Variants in CLSTN2 observed in about 807,000 individuals in gnomAD.
The protein encoded by CLSTN2 is calsyntenin-2.
Under a neutral mutation model 101.2 loss-of-function variants are expected in CLSTN2, and 48 were observed. That is an observed-to-expected ratio of 0.47 (90% CI 0.38 to 0.60). The LOEUF (loss-of-function observed/expected upper bound fraction) is 0.60. Among genes scored for constraint, CLSTN2 ranks in the 20% least tolerant of loss-of-function variants. The pLI, the probability that CLSTN2 is intolerant of heterozygous loss-of-function variation, is 0.00. For missense variants in CLSTN2, 1,160 were observed against 1,238.2 expected (o/e 0.94, Z 0.95); for synonymous variants, 481 against 463.6 (o/e 1.04, Z -0.48).
At position 140,334,578 on chromosome 3, in the gene CLSTN2, A is replaced by C. The variant is rs188261978; in HGVS notation, c.233-69051A>C. 1.7e-3 allele frequency among the ~76,000 whole-genome samples: 262 copies of C among 152,344 alleles called. 1 individual carries two copies. The highest frequency in any genetic ancestry group is 5.8e-3 in the African/African-American group (242 of 41,594). ...CCCCACCTTACAGCACCTTATGAGG[A>C]GCCACATGAGGAGGCCCATCAACAA... On this transcript the variant is annotated intron_variant, in intron 2 of 16. Coordinates refer to ENST00000458420, the MANE Select transcript of CLSTN2 (RefSeq NM_022131.3).
intron 2 of CLSTN2, among the ~76,000 whole-genome samples, chr3:140,281,662 G>A (rs944537955): frequency 2.0e-5 from 3 of 152,144 alleles, no homozygotes; most frequent in African/African-American, 7.2e-5. Flanking sequence ...TCAACCCACA[G>A]CTGATTAGAA....
intron 8 of CLSTN2, among the ~76,000 whole-genome samples, chr3:140,501,833 T>TAAG (rs1330948102): frequency 6.6e-6 from 1 of 152,222 alleles, no homozygotes; most frequent in East Asian, 1.9e-4. Flanking sequence ...GAGAACTTGT[T>TAAG]AAGATTCAGA....
intron 1 of CLSTN2, among the ~76,000 whole-genome samples, chr3:140,160,622 A>AT (rs60958109): frequency 0.014 from 1,999 of 147,770 alleles, 42 homozygotes; most frequent in African/African-American, 0.045. Context: ...TATTCATCCT[A>AT]TTTTTTTTTT....
intron 10 of CLSTN2, among the ~76,000 whole-genome samples, chr3:140,550,655 A>G (rs1025575939): frequency 8.5e-5 from 13 of 152,058 alleles, no homozygotes; most frequent in African/African-American, 3.1e-4. Flanking sequence ...AAACACAAAG[A>G]TGCTGGGCTC....
intron 1 of CLSTN2, among the ~76,000 whole-genome samples, chr3:139,962,882 T>C (rs965805354): frequency 6.6e-6 from 1 of 152,200 alleles, no homozygotes; most frequent in East Asian, 1.9e-4. Context: ...TGTGAACATA[T>C]GCTTTAATTT....
At chr3:140,318,944 T>C (rs1178024426) in intron 2 of CLSTN2, among the ~76,000 whole-genome samples, 2 of 152,170 alleles carry the variant, frequency 1.3e-5, no homozygotes, top group Non-Finnish European at 2.9e-5. Context: ...TTCCCTTCAA[T>C]GAAGGTGAAT....
At chr3:140,012,286 G>A (rs1351132484) in intron 1 of CLSTN2, among the ~76,000 whole-genome samples, 2 of 152,148 alleles carry the variant, frequency 1.3e-5, no homozygotes, top group African/African-American at 4.8e-5. Context: ...GAAAGAAAGG[G>A]GAGGGAGCAG....
chr3:140,444,301 G>A (rs1054955536), intron 5 of CLSTN2, among the ~76,000 whole-genome samples: 3 of 152,066 alleles, frequency 2.0e-5, no homozygotes, highest in African/African-American at 7.2e-5. Flanking sequence ...GTGGTGGCAG[G>A]TGCCTGTAGT....
At chr3:140,093,086 CAG>C (rs1172811578) in intron 1 of CLSTN2, among the ~76,000 whole-genome samples, 1 of 152,006 alleles carries the variant, frequency 6.6e-6, no homozygotes, top group Non-Finnish European at 1.5e-5. Flanking sequence ...CAGAGCTGGA[CAG>C]AGAGAGAGAA....
At chr3:139,970,737 C>T (rs190710543) in intron 1 of CLSTN2, among the ~76,000 whole-genome samples, 12 of 152,288 alleles carry the variant, frequency 7.9e-5, no homozygotes, top group Non-Finnish European at 1.5e-4. Flanking sequence ...ATGGAGCTGA[C>T]CAGGTGCTGA....
At chr3:140,160,589 C>T (rs1190858796) in intron 1 of CLSTN2, among the ~76,000 whole-genome samples, 4 of 151,930 alleles carry the variant, frequency 2.6e-5, no homozygotes, top group Admixed American at 6.6e-5. Context: ...TACTGTCTGC[C>T]GATTTCTTTT....
intron 1 of CLSTN2, among the ~76,000 whole-genome samples, chr3:140,142,331 G>A (rs2009714293): frequency 2.0e-5 from 3 of 152,158 alleles, no homozygotes; most frequent in Admixed American, 2.0e-4. Flanking sequence ...GTGCAGAAAG[G>A]CCACTCATAG....
At chr3:140,197,576 G>T (rs1056200038) in intron 2 of CLSTN2, among the ~76,000 whole-genome samples, 1 of 152,100 alleles carries the variant, frequency 6.6e-6, no homozygotes, top group Non-Finnish European at 1.5e-5. Flanking sequence ...CGTTCTGATC[G>T]CTGGTTCTCA....
At chr3:140,172,702 A>T (rs756910735) in intron 1 of CLSTN2, among the ~76,000 whole-genome samples, 12 of 152,296 alleles carry the variant, frequency 7.9e-5, no homozygotes, top group Non-Finnish European at 1.3e-4. Flanking sequence ...GCCTCACAAT[A>T]ATGGCAGAAG....
chr3:140,056,783 G>GA (rs966177248), intron 1 of CLSTN2, among the ~76,000 whole-genome samples: 12 of 151,900 alleles, frequency 7.9e-5, no homozygotes, highest in African/African-American at 1.9e-4. Flanking sequence ...AGATATTTGT[G>GA]AAAAAAAATG....
intron 8 of CLSTN2, among the ~76,000 whole-genome samples, chr3:140,530,058 C>T (rs1935222648): frequency 6.6e-6 from 1 of 152,112 alleles, no homozygotes. Context: ...CAGCCTTTGA[C>T]CCAGTAATTC....
At chr3:140,531,779 C>G (rs923664778) in intron 8 of CLSTN2, among the ~76,000 whole-genome samples, 4 of 152,162 alleles carry the variant, frequency 2.6e-5, no homozygotes, top group Non-Finnish European at 5.9e-5. Flanking sequence ...TTCTAGCCCC[C>G]CTGCATCTCC....
chr3:140,157,342 A>T (rs1465128024), intron 1 of CLSTN2, among the ~76,000 whole-genome samples: 1 of 152,126 alleles, frequency 6.6e-6, no homozygotes, highest in African/African-American at 2.4e-5. Flanking sequence ...GTCTGGTAGA[A>T]TTCAGCTGTG....
chr3:140,445,957 G>T (rs1050099474), intron 5 of CLSTN2, among the ~76,000 whole-genome samples: 2 of 152,096 alleles, frequency 1.3e-5, no homozygotes, highest in East Asian at 3.9e-4. Context: ...AGGAGAGAGG[G>T]CATCTACCTA....
Sources: gnomAD v4.1 joint callset for allele counts (sites outside exome capture counted in the v4.1 genomes callset) on GRCh38, gnomAD v4.1.1 for gene constraint, MANE v1.5 for transcripts, NCBI Gene and HGNC (gene_info 2026-07-23, HGNC 2026-07-21) for gene names.